Variants in VOPP1 observed in about 807,000 individuals in gnomAD.
The protein encoded by VOPP1 is WW domain binding protein VOPP1.
A neutral mutation model predicts 23.5 loss-of-function variants in VOPP1; 8 were observed. The observed-to-expected ratio is 0.34, with a 90% CI of 0.20 to 0.61. VOPP1 has a LOEUF of 0.61. Among genes scored for constraint, VOPP1 ranks in the 20% least tolerant of loss-of-function variants. The pLI is 0.78. For synonymous variants in VOPP1, 83 were observed against 97.3 expected (o/e 0.85, Z 0.86); for missense variants, 174 against 238.1 (o/e 0.73, Z 1.77).
intron 2 of VOPP1, among the ~76,000 whole-genome samples, chr7:55,507,920 G>A (rs1229389246): frequency 1.3e-5 from 2 of 152,164 alleles, no homozygotes; most frequent in African/African-American, 2.4e-5. Context: ...TTGAGGGTGG[G>A]AAGATGGCTG....
At chr7:55,468,779 C>G (rs1375849236), downstream of VOPP1, among the ~76,000 whole-genome samples, 1 of 152,124 alleles carries the variant, frequency 6.6e-6, no homozygotes, top group Admixed American at 6.5e-5. Context: ...GAGTGAAGCC[C>G]CAGGGTACCA....
intron 3 of VOPP1, 43 bp downstream of exon 3, chr7:55,497,570 G>GGCC: frequency 8.2e-7 from 1 of 1,220,564 alleles, no homozygotes; most frequent in Non-Finnish European, 1.1e-6. Flanking sequence ...GGGGGGGGGG[G>GGCC]CAGAGCTCTC....
At chr7:55,497,059 C>T (rs1375230424) in intron 3 of VOPP1, among the ~76,000 whole-genome samples, 1 of 152,246 alleles carries the variant, frequency 6.6e-6, no homozygotes, top group Admixed American at 6.5e-5. Flanking sequence ...GGAGGCTCCC[C>T]CCATGGAATG....
chr7:55,535,944 G>A (rs560518846), intron 1 of VOPP1, among the ~76,000 whole-genome samples: 3 of 152,180 alleles, frequency 2.0e-5, no homozygotes, highest in East Asian at 3.9e-4. Flanking sequence ...GATGACGACC[G>A]ACTCTTTCCT....
At chr7:55,440,105 G>A (rs898014984) in intron 4 of VOPP1, among the ~76,000 whole-genome samples, 6 of 152,204 alleles carry the variant, frequency 3.9e-5, no homozygotes, top group East Asian at 1.9e-4. Flanking sequence ...AGGTTTGTGC[G>A]TTCCTTGCCA....
chr7:55,476,424 C>CGG (rs1792255232), intron 4 of VOPP1, among the ~76,000 whole-genome samples: 1 of 37,504 alleles, frequency 2.7e-5, no homozygotes, highest in African/African-American at 8.5e-5. Context: ...TGGCCAGTGG[C>CGG]GTGTCGGGGG....
chr7:55,436,210 A>G (rs1790817895), intron 4 of VOPP1: 2 of 152,264 alleles, frequency 1.3e-5, no homozygotes, highest in South Asian at 4.1e-4. Flanking sequence ...TTTACATTTT[A>G]CAGCCAACCC....
intron 1 of VOPP1, chr7:55,562,143 G>C: frequency 1.4e-6 from 1 of 696,644 alleles, no homozygotes; most frequent in Non-Finnish European, 2.6e-6. Context: ...GCTGAGAATG[G>C]CAAGGAGGTC....
At chr7:55,453,820 T>C (rs1023730944) in intron 4 of VOPP1, among the ~76,000 whole-genome samples, 2 of 152,214 alleles carry the variant, frequency 1.3e-5, no homozygotes, top group Non-Finnish European at 2.9e-5. Flanking sequence ...AACTTTCAAT[T>C]TGTAAAAAAC....
chr7:55,446,518 C>A (rs776021815), intron 4 of VOPP1, among the ~76,000 whole-genome samples: 6 of 152,104 alleles, frequency 3.9e-5, no homozygotes, highest in Admixed American at 2.0e-4. Context: ...CTAGGGAAAA[C>A]AAAATAATTT....
intron 1 of VOPP1, among the ~76,000 whole-genome samples, chr7:55,524,530 C>T (rs555891516): frequency 4.1e-4 from 62 of 152,376 alleles, no homozygotes; most frequent in African/African-American, 1.4e-3. Context: ...CATGTACTAA[C>T]TCACTACAGT....
chr7:55,502,527 G>C (rs1414720556), intron 2 of VOPP1, among the ~76,000 whole-genome samples: 1 of 152,190 alleles, frequency 6.6e-6, no homozygotes, highest in African/African-American at 2.4e-5. Context: ...CTACTCGAAG[G>C]AGCACACAAT....
intron 4 of VOPP1, among the ~76,000 whole-genome samples, chr7:55,447,868 G>T (rs1791141263): frequency 6.6e-6 from 1 of 152,000 alleles, no homozygotes; most frequent in African/African-American, 2.4e-5. Context: ...TGTAATAAAA[G>T]AACAGAAAAT....
intron 1 of VOPP1, among the ~76,000 whole-genome samples, chr7:55,569,107 G>T (rs2129057851): frequency 6.6e-6 from 1 of 152,344 alleles, no homozygotes; most frequent in South Asian, 2.1e-4. Context: ...GGCTGTGCAT[G>T]TAATTCACAG....
At chr7:55,435,408 A>G (rs1161261059), downstream of VOPP1, among the ~76,000 whole-genome samples, 2 of 152,188 alleles carry the variant, frequency 1.3e-5, no homozygotes, top group African/African-American at 4.8e-5. Context: ...GTGCCGTCGC[A>G]TTTAGGAAGA....
chr7:55,562,171 C>A, intron 1 of VOPP1: 1 of 684,980 alleles, frequency 1.5e-6, no homozygotes, highest in South Asian at 1.5e-5. Context: ...ATACTGAAAG[C>A]TTTCCAAGGG....
At chr7:55,487,116 C>T (rs1445103092) in intron 4 of VOPP1, among the ~76,000 whole-genome samples, 1 of 152,184 alleles carries the variant, frequency 6.6e-6, no homozygotes, top group Non-Finnish European at 1.5e-5. Context: ...CCTGTTTGTG[C>T]TTGGGCTATG....
At position 55,530,576 on chromosome 7, in the gene VOPP1, T is replaced by C. The variant is rs185922212; in HGVS notation, c.55-9446A>G. Among the ~76,000 whole-genome samples, 520 of 152,302 alleles carry C rather than the reference T, an allele frequency of 3.4e-3. 1 individual carries two copies. The highest frequency in any genetic ancestry group is 6.5e-3 in the Non-Finnish European group (444 of 68,026). Reference sequence around the variant, plus strand: ...CGGCATTTGACTTCAGGTCTGTTGGTTTCCAAAGTCTGTGTGCTTTCTGTG... The same window carrying C: ...CGGCATTTGACTTCAGGTCTGTTGGCTTCCAAAGTCTGTGTGCTTTCTGTG... On this transcript the variant is annotated intron_variant, in intron 1 of 4. Coordinates refer to ENST00000285279, the MANE Select transcript of VOPP1 (RefSeq NM_030796.5).
chr7:55,476,443 G>A (rs1032729924), intron 4 of VOPP1, among the ~76,000 whole-genome samples: 1 of 150,052 alleles, frequency 6.7e-6, no homozygotes, highest in Non-Finnish European at 1.5e-5. Flanking sequence ...GGGGTGGGCG[G>A]GGGGGCTGGG....
Sources: allele counts gnomAD v4.1 joint callset (sites outside exome capture counted in the v4.1 genomes callset), GRCh38; gene constraint gnomAD v4.1.1; transcripts MANE v1.5; gene names NCBI Gene and HGNC (gene_info 2026-07-23, HGNC 2026-07-21).